The following ROS1 variants were observed in gnomAD, a reference collection of about 807,000 sequenced individuals.
The protein encoded by ROS1 is proto-oncogene tyrosine-protein kinase ROS.
A neutral mutation model predicts 273.5 loss-of-function variants in ROS1; 263 were observed. That is an observed-to-expected ratio of 0.96 (90% CI 0.87 to 1.06). The LOEUF (loss-of-function observed/expected upper bound fraction) is 1.06. ROS1 is among the 50% of genes least tolerant of loss of function. The probability of loss-of-function intolerance (pLI) is 0.00; values close to 1 mark genes in which losing one functional copy is unlikely to be tolerated. For synonymous variants in ROS1, 1,008 were observed against 954.1 expected (o/e 1.06, Z -1.04); for missense variants, 2,833 against 2,751.1 (o/e 1.03, Z -0.67).
chr6:117,364,491 C>T (rs950291997), intron 21 of ROS1, among the ~76,000 whole-genome samples: 1 of 152,148 alleles, frequency 6.6e-6, no homozygotes, highest in Non-Finnish European at 1.5e-5. Context: ...GACTTTCCTA[C>T]CCACCTCAGA....
At chr6:117,398,570 C>T (rs530143934) in intron 7 of ROS1, among the ~76,000 whole-genome samples, 3 of 150,148 alleles carry the variant, frequency 2.0e-5, no homozygotes, top group East Asian at 4.0e-4. Flanking sequence ...TCCCAGCTAC[C>T]TGGGAGGCTG....
At chr6:117,380,620 C>A (rs1772048998) in intron 17 of ROS1, among the ~76,000 whole-genome samples, 1 of 151,880 alleles carries the variant, frequency 6.6e-6, no homozygotes, top group South Asian at 2.1e-4. Context: ...GGAGATTCTA[C>A]AATTTTTTGC....
Position 117,425,813 on chromosome 6 carries a change from A to G in ROS1, c.-157T>C, listed in dbSNP as rs1776096298. 2.8e-6 allele frequency: 2 copies of G among 720,164 alleles called. No individual in the cohort carries two copies. Among genetic ancestry groups the G allele is most frequent in the Non-Finnish European group, 4.5e-6 (2 of 440,368 alleles). 44.6% of individuals were successfully genotyped at this position (720,164 alleles called of 1,614,324 possible). On this transcript the variant is annotated 5_prime_UTR_variant, in exon 1 of 44. Coordinates refer to ENST00000368507, the MANE Select transcript of ROS1 (RefSeq NM_001378902.1). ...GGATATACTTGCCTTTTGAAATAATACTTAGCCTTTTTCATTTAGACCTTT... is the reference window on the plus strand; with the variant it reads ...GGATATACTTGCCTTTTGAAATAATGCTTAGCCTTTTTCATTTAGACCTTT...
chr6:117,335,914 T>C (rs1777426763), intron 32 of ROS1, among the ~76,000 whole-genome samples: 1 of 152,014 alleles, frequency 6.6e-6, no homozygotes, highest in Non-Finnish European at 1.5e-5. Flanking sequence ...TGTATACCTA[T>C]GTAACAACCC....
chr6:117,334,829 C>A (rs1777347572), intron 32 of ROS1, among the ~76,000 whole-genome samples: 1 of 152,138 alleles, frequency 6.6e-6, no homozygotes, highest in Admixed American at 6.6e-5. Context: ...TAACCTTATA[C>A]AAAATTTAAC....
chr6:117,315,269 G>T (rs1438402601), intron 39 of ROS1, among the ~76,000 whole-genome samples: 1 of 151,930 alleles, frequency 6.6e-6, no homozygotes, highest in Admixed American at 6.6e-5. Flanking sequence ...AGAATGAGAA[G>T]ATGAAACAAA....
chr6:117,418,411 A>G (rs773426603), intron 2 of ROS1, 51 bp downstream of exon 2: 1 of 1,290,248 alleles, frequency 7.8e-7, no homozygotes, highest in Non-Finnish European at 1.1e-6. Context: ...TTGTCCCTTC[A>G]TTATCAACAC....
chr6:117,397,935 C>A (rs1773628466), intron 7 of ROS1, among the ~76,000 whole-genome samples: 1 of 152,146 alleles, frequency 6.6e-6, no homozygotes, highest in Non-Finnish European at 1.5e-5. Context: ...GAGTAGATTT[C>A]TCTCCCTCTG....
chr6:117,401,804 A>T (rs1228332539), intron 7 of ROS1, among the ~76,000 whole-genome samples: 3 of 42,884 alleles, frequency 7.0e-5, no homozygotes, highest in African/African-American at 2.8e-4. Context: ...ACTTTTCAGT[A>T]AAAAAAAAAA....
rs767951109 is a variant in ROS1 at position 117,356,675 on chromosome 6, C to T, written c.4080G>A (p.Leu1360=). The T allele has an allele frequency of 6.2e-6, 10 of 1,613,954 alleles. No individual in the cohort carries two copies. The Admixed American group carries it at 1.3e-4, about 22-fold the overall frequency. ...TAACTCTCCAACACTGACAGCCTTC[C>T]AGATCCATTGCCCAGATCTCTTGTG... ...AKAQEIWAMD[L]EGCQCWRVIT... The change falls in exon 26 of 44, where the codon CTG becomes CTA. Residue 1360 remains leucine (L), a synonymous_variant. Coordinates refer to ENST00000368507, the MANE Select transcript of ROS1 (RefSeq NM_001378902.1).
In ROS1 at chr6:117,416,332, AAC is replaced by A; in HGVS notation, c.169-17_169-16del. The A allele has an allele frequency of 6.4e-7, 1 of 1,563,872 alleles. No individual in the cohort carries two copies. The highest frequency in any genetic ancestry group is 1.4e-5 in the African/African-American group (1 of 73,972). ...CCTTGGATACACTGCAAGAGACAAT[AAC>A]AGACAATGGTGAGTGATTGAAGAAA... On this transcript the variant is annotated splice_polypyrimidine_tract_variant and intron_variant, in intron 2 of 43. Transcript: ENST00000368507.
In ROS1 at chr6:117,397,225, G is replaced by A. The variant is rs140813329; in HGVS notation, c.605-109C>T. The A allele has an allele frequency of 6.7e-3, 4,893 of 726,364 alleles. 27 individuals carry two copies. The highest frequency in any genetic ancestry group is 9.3e-3 in the Non-Finnish European group (4,033 of 434,142). The allele number at this position is 726,364 out of a possible 1,614,324, so 45.0% of individuals were successfully genotyped here. On this transcript the variant is annotated intron_variant, in intron 7 of 43. Coordinates refer to ENST00000368507, the MANE Select transcript of ROS1 (RefSeq NM_001378902.1). Reference sequence around the variant, plus strand: ...TTTTTTTTGAAAACTTAATGGAAACGAAATAATTTTATTAATACTCAAAAT... The same window carrying A: ...TTTTTTTTGAAAACTTAATGGAAACAAAATAATTTTATTAATACTCAAAAT...
chr6:117,401,803 T>TAAA (rs35593860), intron 7 of ROS1, among the ~76,000 whole-genome samples: 24,565 of 88,402 alleles, frequency 0.28, 3,185 homozygotes, highest in South Asian at 0.39. Flanking sequence ...AACTTTTCAG[T>TAAA]AAAAAAAAAA....
chr6:117,373,070 C>G (rs1036452563), intron 18 of ROS1, among the ~76,000 whole-genome samples: 1 of 152,150 alleles, frequency 6.6e-6, no homozygotes, highest in Non-Finnish European at 1.5e-5. Flanking sequence ...TAAAAGTTCT[C>G]CAAGTCCCTA....
chr6:117,321,253 A>G lies in ROS1; in HGVS notation c.5759+6T>C, dbSNP rs1375582712. 2 of 1,612,588 alleles carry G rather than the reference A, an allele frequency of 1.2e-6. No individual in the cohort carries two copies. Among genetic ancestry groups the G allele is most frequent in the East Asian group, 2.2e-5 (1 of 44,830 alleles). Reference sequence around the variant, plus strand: ...GTGCTCCATAATGATGGCCAAAGCTACATACTGTATTGCATAGCAGGCATT... The same window carrying G: ...GTGCTCCATAATGATGGCCAAAGCTGCATACTGTATTGCATAGCAGGCATT... On this transcript the variant is annotated splice_donor_region_variant and intron_variant, in intron 36 of 43. Coordinates refer to ENST00000368507, the MANE Select transcript of ROS1 (RefSeq NM_001378902.1).
intron 25 of ROS1, 45 bp downstream of exon 25, chr6:117,357,759 A>G (rs1779447149): frequency 2.4e-6 from 3 of 1,269,098 alleles, no homozygotes; most frequent in South Asian, 1.3e-5. Context: ...AAATATGTCT[A>G]TATCTATTTC....
chr6:117,341,709 TGAA>T, intron 29 of ROS1, 77 bp from the exon 30 acceptor site: 1 of 1,063,080 alleles, frequency 9.4e-7, no homozygotes, highest in Non-Finnish European at 1.4e-6. Context: ...GAGTTTGGGT[TGAA>T]GAGTAATCAT....
At chr6:117,331,945 A>AC (rs1777102217) in intron 32 of ROS1, among the ~76,000 whole-genome samples, 1 of 152,196 alleles carries the variant, frequency 6.6e-6, no homozygotes, top group South Asian at 2.1e-4. Context: ...AGCATGCAAA[A>AC]TAACCAAATA....
At chr6:117,369,558 C>CGA (rs1469646344) in intron 18 of ROS1, among the ~76,000 whole-genome samples, 1 of 150,902 alleles carries the variant, frequency 6.6e-6, no homozygotes, top group Admixed American at 6.6e-5. Flanking sequence ...GGCGACAGAG[C>CGA]GAGACTCCAT....
Sources: allele counts gnomAD v4.1 joint callset (sites outside exome capture counted in the v4.1 genomes callset), GRCh38; gene constraint gnomAD v4.1.1; transcripts MANE v1.5; gene names NCBI Gene and HGNC (gene_info 2026-07-23, HGNC 2026-07-21).